Variants in RAC3 observed in about 807,000 individuals in gnomAD.
RAC3 encodes Rac family small GTPase 3.
In RAC3, 9 loss-of-function variants were observed where a neutral mutation model predicts 19.0. The observed-to-expected ratio is 0.47, with a 90% CI of 0.29 to 0.83. RAC3 has a LOEUF of 0.83. Ranked by LOEUF, RAC3 falls within the 40% of genes least tolerant of loss-of-function variation. The probability of loss-of-function intolerance (pLI) is 0.09; values close to 1 mark genes in which losing one functional copy is unlikely to be tolerated. For synonymous variants in RAC3, 146 were observed against 111.8 expected, an observed-to-expected ratio of 1.31 and a Z score of -1.93; for missense variants, 203 against 260.8, an observed-to-expected ratio of 0.78 and a Z score of 1.53.
At position 82,031,709 on chromosome 17, in the gene RAC3, A is replaced by T. The variant is rs1396118588; in HGVS notation, c.-53A>T. ...GTCCGCGGCCGCTGCGGCGCCGGGC[A>T]TTTCTCCGCAGCTCGGCTCGCGGCC... On this transcript the variant is annotated 5_prime_UTR_variant, in exon 1 of 6. Coordinates refer to ENST00000306897, the MANE Select transcript of RAC3 (RefSeq NM_005052.3). 386 of 939,394 alleles carry T rather than the reference A, an allele frequency of 4.1e-4. 1 individual carries two copies. Among genetic ancestry groups the T allele is most frequent in the Non-Finnish European group, 4.8e-4 (377 of 791,176 alleles). The allele number at this position is 939,394 out of a possible 1,614,324, so 58.2% of individuals were successfully genotyped here.
Position 82,032,985 on chromosome 17 carries a change from C to T in RAC3, c.264C>T (p.Ala88=), listed in dbSNP as rs760986617. 11 of 1,613,636 alleles carry T rather than the reference C, an allele frequency of 6.8e-6. No individual in the cohort carries two copies. The Admixed American group carries it at 1.7e-4, about 24-fold the overall frequency. ...FLICFSLVSP[A]SFENVRAKWY... ...TCTGCTTCTCTCTGGTGAGCCCGGCCTCCTTCGAGAATGTTCGTGCCAAGG... is the reference window on the plus strand; with the variant it reads ...TCTGCTTCTCTCTGGTGAGCCCGGCTTCCTTCGAGAATGTTCGTGCCAAGG... The change falls in exon 4 of 6, where the codon GCC becomes GCT. Residue 88 remains alanine, a synonymous_variant. Coordinates refer to ENST00000306897, the MANE Select transcript of RAC3 (RefSeq NM_005052.3).
intron 2 of RAC3, 41 bp from the exon 3 acceptor site, chr17:82,032,670 G>A: frequency 1.9e-6 from 3 of 1,577,174 alleles, no homozygotes; most frequent in African/African-American, 1.3e-5. Context: ...GGGTTTCTGG[G>A]ACCCCTCCCA....
At chr17:82,032,005 A>T in intron 1 of RAC3, 1 of 188,298 alleles carries the variant, frequency 5.3e-6, no homozygotes, top group Non-Finnish European at 1.0e-5. Context: ...GGCCCACCTG[A>T]TGCTGCCCGG....
chr17:82,031,798 T>C lies in RAC3; in HGVS notation c.35+2T>C. On this transcript the variant is annotated splice_donor_variant, in intron 1 of 5. Coordinates refer to ENST00000306897, the MANE Select transcript of RAC3 (RefSeq NM_005052.3). LOFTEE classifies it high-confidence loss of function. Reference sequence around the variant, plus strand: ...CAAGTGCGTGGTGGTCGGCGACGGGTGAGTGCGCGGCCCGGAGGCCGCTTG... The same window carrying C: ...CAAGTGCGTGGTGGTCGGCGACGGGCGAGTGCGCGGCCCGGAGGCCGCTTG... 1 of 975,658 alleles carries C rather than the reference T, an allele frequency of 1.0e-6. No homozygotes were observed. The highest frequency in any genetic ancestry group is 1.2e-6 in the Non-Finnish European group (1 of 827,656). 60.4% of individuals were successfully genotyped at this position (975,658 alleles called of 1,614,324 possible).
chr17:82,033,681 C>T lies in RAC3; in HGVS notation c.449-18C>T, dbSNP rs200351147. The T allele has an allele frequency of 8.3e-5, 133 of 1,610,162 alleles. No homozygotes were observed. The highest frequency in any genetic ancestry group is 8.0e-4 in the Admixed American group (48 of 59,890). On this transcript the variant is annotated intron_variant, in intron 5 of 5. Coordinates refer to ENST00000306897, the MANE Select transcript of RAC3 (RefSeq NM_005052.3). This position sits in a 1 kb window ranked among gnomAD's most constrained non-coding sequence, Gnocchi z 6.2. ...CCTGTACCCCACCCTCACTGTCTCC[C>T]CTCCTCACTGCCGCTAGGCTCTGTG...
chr17:82,032,204 C>A (rs1027024286), intron 1 of RAC3, 183 bp from the exon 2 acceptor site: 1 of 616,172 alleles, frequency 1.6e-6, no homozygotes, highest in Non-Finnish European at 2.8e-6. Context: ...CACCCCAGCC[C>A]CCGGAGCCCG....
In RAC3 at chr17:82,032,818, AC is replaced by A; in HGVS notation, c.220del (p.Gln74LysfsTer6). ...TACGATCGGCTGCGGCCACTCTCCT[AC>A]CCCCAAACTGTACGTAACAATGGGG... ...EDYDRLRPLS[Y>X]PQTDVFLICF... On this transcript the variant is annotated frameshift_variant, in exon 3 of 6. Transcript: ENST00000306897. LOFTEE classifies it high-confidence loss of function. 6.2e-7 allele frequency: 1 copy of A among 1,612,508 alleles called. No homozygotes were observed. Among genetic ancestry groups the A allele is most frequent in the South Asian group, 1.1e-5 (1 of 91,068 alleles).
In RAC3 at chr17:82,031,755, C is replaced by G. The variant is rs2043431180; in HGVS notation, c.-7C>G. ...CGGCCGCGCCCGCCGCCGCCCGGCCCGCGCCCATGCAGGCCATCAAGTGCG... is the reference window on the plus strand; with the variant it reads ...CGGCCGCGCCCGCCGCCGCCCGGCCGGCGCCCATGCAGGCCATCAAGTGCG... On this transcript the variant is annotated 5_prime_UTR_variant, in exon 1 of 6. Coordinates refer to ENST00000306897, the MANE Select transcript of RAC3 (RefSeq NM_005052.3). 4 of 993,112 alleles carry G rather than the reference C, an allele frequency of 4.0e-6. No individual in the cohort carries two copies. The South Asian group carries it at 1.3e-4, about 33-fold the overall frequency. 61.5% of individuals were successfully genotyped at this position (993,112 alleles called of 1,614,324 possible).
Position 82,033,051 on chromosome 17 carries a change from C to G in RAC3, c.288+42C>G. 3 of 1,565,694 alleles carry G rather than the reference C, an allele frequency of 1.9e-6. No homozygotes were observed. The highest frequency in any genetic ancestry group is 2.6e-6 in the Non-Finnish European group (3 of 1,138,852). The stretch of plus-strand genomic sequence containing the variant: ...GGCCCCTGTGGGGAGAGGGCTTGCC[C>G]CAGTACCTGCCCCGACAAGTTGTCC... On this transcript the variant is annotated intron_variant, in intron 4 of 5. Transcript: ENST00000306897. This position sits in a 1 kb window ranked among gnomAD's most constrained non-coding sequence, Gnocchi z 6.2.
chr17:82,032,851 C>G (rs1157121161), intron 3 of RAC3, 23 bp downstream of exon 3: 1 of 1,612,462 alleles, frequency 6.2e-7, no homozygotes. Flanking sequence ...GGGGCCAGCC[C>G]CGGGAGCTGG....
Position 82,033,302 on chromosome 17 carries a change from C to T in RAC3, c.289-138C>T. The T allele has an allele frequency of 1.8e-6, 2 of 1,096,780 alleles. No individual in the cohort carries two copies. Among genetic ancestry groups the T allele is most frequent in the Non-Finnish European group, 2.5e-6 (2 of 789,882 alleles). The allele number at this position is 1,096,780 out of a possible 1,614,324, so 67.9% of individuals were successfully genotyped here. ...CCTGGTATCTCCCCACCAAATCCGC[C>T]CCTGGTCACCCCTTGAAGGAAGAAG... On this transcript the variant is annotated intron_variant, in intron 4 of 5. Coordinates refer to ENST00000306897, the MANE Select transcript of RAC3 (RefSeq NM_005052.3). The surrounding 1 kb of genome is among the most constrained non-coding windows in gnomAD (Gnocchi z 6.2).
In RAC3 at chr17:82,033,331, C is replaced by T; in HGVS notation, c.289-109C>T. On this transcript the variant is annotated intron_variant, in intron 4 of 5. Coordinates refer to ENST00000306897, the MANE Select transcript of RAC3 (RefSeq NM_005052.3). The surrounding 1 kb of genome is among the most constrained non-coding windows in gnomAD (Gnocchi z 6.2). ...GGTCACCCCTTGAAGGAAGAAGAGC[C>T]AAGTGTAGCTCTGGAACAGTGGGGA... 7.8e-7 allele frequency: 1 copy of T among 1,279,556 alleles called. No individual in the cohort carries two copies. Among genetic ancestry groups the T allele is most frequent in the Non-Finnish European group, 1.1e-6 (1 of 951,906 alleles). 79.3% of individuals were successfully genotyped at this position (1,279,556 alleles called of 1,614,324 possible). A position where few individuals can be genotyped will look rare whatever the true frequency, so the allele number is the denominator to read the frequency against.
At chr17:82,032,689 C>A (rs200410585) in intron 2 of RAC3, 22 bp from the exon 3 acceptor site, 1 of 1,607,028 alleles carries the variant, frequency 6.2e-7, no homozygotes, top group South Asian at 1.1e-5. Context: ...CAAGCCCTGA[C>A]CCTGCCCTCA....
At chr17:82,032,582 G>A (rs2043441683) in intron 2 of RAC3, 124 bp downstream of exon 2, 7 of 1,442,122 alleles carry the variant, frequency 4.9e-6, no homozygotes, top group South Asian at 2.4e-5. Context: ...TGGGCTTCCC[G>A]GCTGGAGCTG....
rs1380811581 is a variant in RAC3, at chr17:82,033,259, C to T, written c.289-181C>T. Among the ~76,000 whole-genome samples the T allele has an allele frequency of 6.6e-6, 1 of 152,160 alleles. No homozygotes were observed. The highest frequency in any genetic ancestry group is 2.4e-5 in the African/African-American group (1 of 41,448). On this transcript the variant is annotated intron_variant, in intron 4 of 5. Transcript: ENST00000306897. The surrounding 1 kb of genome is among the most constrained non-coding windows in gnomAD (Gnocchi z 6.2). ...GAGGCCCTGGGAGGTCTCCAGGTTC[C>T]CTGGCTGCGTGTTTGTTCCTGGTAT...
chr17:82,032,427 A>C lies in RAC3; in HGVS notation c.76A>C (p.Asn26His), dbSNP rs750388697. ...KTCLLISYTT[N>H]AFPGEYIPTV... is the part of the protein sequence containing the mutation. ...ATGCTTGCTGATCAGCTACACGACC[A>C]ACGCCTTCCCCGGAGAGTACATCCC... The change falls in exon 2 of 6, where the codon AAC (asparagine) becomes CAC (histidine). Residue 26 changes from asparagine (N) to histidine (H), a missense_variant. Around this residue, in one of 3 missense-constraint regions of RAC3, gnomAD observed 49 missense variants for 67.4 expected, o/e 0.73. Coordinates refer to ENST00000306897, the MANE Select transcript of RAC3 (RefSeq NM_005052.3). 6.2e-7 allele frequency: 1 copy of C among 1,612,922 alleles called. No homozygotes were observed. Among genetic ancestry groups the C allele is most frequent in the Non-Finnish European group, 8.5e-7 (1 of 1,179,932 alleles).
In RAC3 at chr17:82,033,455, C is replaced by A. The variant is rs775842656; in HGVS notation, c.304C>A (p.Arg102=). Residue 102 remains arginine, a synonymous_variant, in exon 5 of 6, where the codon CGG becomes AGG. Coordinates refer to ENST00000306897, the MANE Select transcript of RAC3 (RefSeq NM_005052.3). The surrounding 1 kb of genome is among the most constrained non-coding windows in gnomAD (Gnocchi z 6.2). ...NVRAKWYPEV[R]HHCPHTPILL... ...GTCCCTGCAGTGGTACCCGGAGGTG[C>A]GGCACCACTGCCCCCACACGCCCAT... The A allele has an allele frequency of 6.2e-7, 1 of 1,606,460 alleles. No homozygotes were observed. Among genetic ancestry groups the A allele is most frequent in the Non-Finnish European group, 8.5e-7 (1 of 1,176,678 alleles).
rs201842767 is a variant in RAC3, at chr17:82,033,635, G to A, written c.448+36G>A. ...GCTGGCGGCCTGCAGGGGAGGGGTG[G>A]GGAGGCGCAGTAAGGGCCTCCCTGT... On this transcript the variant is annotated intron_variant, in intron 5 of 5. Coordinates refer to ENST00000306897, the MANE Select transcript of RAC3 (RefSeq NM_005052.3). This position sits in a 1 kb window ranked among gnomAD's most constrained non-coding sequence, Gnocchi z 6.2. 409 of 1,602,630 alleles carry A rather than the reference G, an allele frequency of 2.6e-4. No individual in the cohort carries two copies. The highest frequency in any genetic ancestry group is 3.2e-4 in the Non-Finnish European group (370 of 1,172,594).
intron 1 of RAC3, 38 bp from the exon 2 acceptor site, chr17:82,032,349 G>C (rs1218985003): frequency 6.2e-7 from 1 of 1,607,430 alleles, no homozygotes; most frequent in Non-Finnish European, 8.5e-7. Flanking sequence ...AGGGTCCGAG[G>C]CCGGGCCCGG....
Sources: allele counts gnomAD v4.1 joint callset (sites outside exome capture counted in the v4.1 genomes callset), GRCh38; gene constraint gnomAD v4.1.1; regional missense constraint gnomAD v4.1.1; non-coding constraint Gnocchi (gnomAD v3.1); transcripts MANE v1.5; gene names NCBI Gene and HGNC (gene_info 2026-07-23, HGNC 2026-07-21).